TEP1: variants seen among roughly 807,000 people sequenced by gnomAD.
TEP1 encodes the protein telomerase associated protein 1, also known as telomerase protein component 1.
Under a neutral mutation model 306.3 loss-of-function variants are expected in TEP1, and 241 were observed. The observed-to-expected ratio is 0.79, with a 90% CI of 0.71 to 0.88. The LOEUF (loss-of-function observed/expected upper bound fraction) is 0.88. Ranked by LOEUF, TEP1 falls within the 40% of genes least tolerant of loss-of-function variation. The pLI is 0.00. For missense variants in TEP1, 3,051 were observed against 3,276.1 expected, an observed-to-expected ratio of 0.93 and a Z score of 1.68; for synonymous variants, 1,289 against 1,305.5, an observed-to-expected ratio of 0.99 and a Z score of 0.27.
Position 20,389,729 on chromosome 14 carries a change from GACCCTGTCCACCTGTAAGATGA to G in TEP1, c.2335-11_2345del. 6.2e-7 allele frequency: 1 copy of G among 1,614,110 alleles called. No individual in the cohort carries two copies. The highest frequency in any genetic ancestry group is 2.2e-5 in the East Asian group (1 of 44,888). ...CATCCATGCTTTGGCCAAGGAGGAT[GACCCTGTCCACCTGTAAGATGA>G]AAAGGGAGAAGATGCTAGAGAAGGG... On this transcript the variant is annotated splice_acceptor_variant and splice_polypyrimidine_tract_variant and coding_sequence_variant and intron_variant, in exon 16 of 55. Coordinates refer to ENST00000262715, the MANE Select transcript of TEP1 (RefSeq NM_007110.5). LOFTEE classifies it high-confidence loss of function.
At position 20,373,083 on chromosome 14, in the gene TEP1, G is replaced by A; in HGVS notation, c.6879C>T (p.Ser2293=). 1 of 1,614,226 alleles carries A rather than the reference G, an allele frequency of 6.2e-7. No individual in the cohort carries two copies. The highest frequency in any genetic ancestry group is 8.5e-7 in the Non-Finnish European group (1 of 1,180,040). Residue 2293 remains serine (S), a synonymous_variant, in exon 48 of 55, where the codon TCC becomes TCT. Transcript: ENST00000262715. ...CAGCTTGATTTCCAGATACTGCCAT[G>A]GAACCATCTGGTGCCCAAGCCACAG... ...VTAVAWAPDG[S]MAVSGNQAGE...
chr14:20,403,179 A>C (rs1292798831), intron 7 of TEP1, among the ~76,000 whole-genome samples, 198 bp downstream of exon 7: 1 of 150,510 alleles, frequency 6.6e-6, no homozygotes, highest in African/African-American at 2.5e-5. Flanking sequence ...AAAAAAAAAA[A>C]AATACAATAC....
At chr14:20,407,362 G>A (rs866613106) in intron 2 of TEP1, among the ~76,000 whole-genome samples, 4 of 152,116 alleles carry the variant, frequency 2.6e-5, no homozygotes, top group African/African-American at 9.7e-5. Flanking sequence ...GTGTCTTTTG[G>A]GCTTTCATTT....
At position 20,376,266 on chromosome 14, in the gene TEP1, T is replaced by C; in HGVS notation, c.6089-2A>G. ...GCCACAGCTGCACTGTGAAATCCTC[T>C]GCATTGGAAAAAGAGAGAGGGAACA... On this transcript the variant is annotated splice_acceptor_variant, in intron 41 of 54. Transcript: ENST00000262715. LOFTEE classifies it high-confidence loss of function. 6.2e-7 allele frequency: 1 copy of C among 1,609,678 alleles called. No individual in the cohort carries two copies. The highest frequency in any genetic ancestry group is 2.2e-5 in the East Asian group (1 of 44,824).
At position 20,382,619 on chromosome 14, in the gene TEP1, T is replaced by C; in HGVS notation, c.4140+4A>G. 1 of 1,614,024 alleles carries C rather than the reference T, an allele frequency of 6.2e-7. No homozygotes were observed. Among genetic ancestry groups the C allele is most frequent in the Non-Finnish European group, 8.5e-7 (1 of 1,179,904 alleles). On this transcript the variant is annotated splice_donor_region_variant and intron_variant, in intron 28 of 54. Transcript: ENST00000262715. The stretch of plus-strand genomic sequence containing the variant: ...TTAGGACTTGGAAGGTGATGAGAAC[T>C]GACCTGCTCATACAGCGTGAAGAGC...
chr14:20,401,539 G>A lies in TEP1; in HGVS notation c.1309C>T (p.Pro437Ser), dbSNP rs937563875. ...ACCAGCTTCTTCAGGGTGAACCTTG[G>A]AGGATTCTTTTTCTCTGACACTGTA... is the stretch of plus-strand genomic sequence containing the variant. ...GDTVSEKKNP[P>S]RFTLKKLVQR... The change falls in exon 8 of 55, where the codon CCA becomes TCA. Residue 437 changes from proline (P) to serine (S), a missense_variant. Physicochemically the swap from Pro to Ser is moderately conservative, Grantham distance 74. Transcript: ENST00000262715. 1 of 1,614,212 alleles carries A rather than the reference G, an allele frequency of 6.2e-7. No individual in the cohort carries two copies. The highest frequency in any genetic ancestry group is 1.1e-5 in the South Asian group (1 of 91,084).
intron 43 of TEP1, among the ~76,000 whole-genome samples, chr14:20,374,927 T>TA (rs1237196191): frequency 6.6e-6 from 1 of 151,770 alleles, no homozygotes; most frequent in Non-Finnish European, 1.5e-5. Context: ...CCATCTCTAC[T>TA]AAAAATACAA....
chr14:20,404,819 A>ATTTTCAG, intron 4 of TEP1, 47 bp from the exon 5 acceptor site: 1 of 1,551,684 alleles, frequency 6.4e-7, no homozygotes, highest in Non-Finnish European at 8.7e-7. Flanking sequence ...CTCCTCCCGT[A>ATTTTCAG]GCTTTCTGCC....
intron 9 of TEP1, among the ~76,000 whole-genome samples, chr14:20,397,963 G>T (rs1251331258): frequency 6.6e-6 from 1 of 151,926 alleles, no homozygotes; most frequent in Non-Finnish European, 1.5e-5. Context: ...ATGTTGGCCA[G>T]GCTGGTCTCA....
intron 36 of TEP1, 34 bp downstream of exon 36, chr14:20,378,947 C>A (rs1176890759): frequency 1.2e-6 from 2 of 1,613,924 alleles, no homozygotes; most frequent in African/African-American, 2.7e-5. Context: ...TGGGGAAGGC[C>A]CTCATTCCAA....
At chr14:20,380,559 ACAATAGTAAGTCT>A (rs142580077) in intron 33 of TEP1, 84 bp from the exon 34 acceptor site, 89,416 of 1,503,056 alleles carry the variant, frequency 0.059, 2,860 homozygotes, top group African/African-American at 0.085. Flanking sequence ...TGGTGTGTCT[ACAATAGTAAGTCT>A]CAAAGTGTGG....
In TEP1 at chr14:20,389,228, C is replaced by A; in HGVS notation, c.2525+10G>T. Reference sequence around the variant, plus strand: ...AGTATCCAACCCTTCAGTATCCATTCTGTACTCACTTCAGTATCGCATCAG... The same window carrying A: ...AGTATCCAACCCTTCAGTATCCATTATGTACTCACTTCAGTATCGCATCAG... On this transcript the variant is annotated intron_variant, in intron 17 of 54. Transcript: ENST00000262715. 1 of 1,613,628 alleles carries A rather than the reference C, an allele frequency of 6.2e-7. No individual in the cohort carries two copies. Among genetic ancestry groups the A allele is most frequent in the Non-Finnish European group, 8.5e-7 (1 of 1,179,606 alleles).
Position 20,409,250 on chromosome 14 carries a change from A to G in TEP1, c.-24-787T>C, listed in dbSNP as rs533654982. On this transcript the variant is annotated intron_variant, in intron 1 of 54. Transcript: ENST00000262715. ...ACTCTCTCTTCCTTTGCTTTCCATG[A>G]TGCTACTGTCCTGATTTTCTTCTTA... 7.9e-4 allele frequency among the ~76,000 whole-genome samples: 120 copies of G among 152,250 alleles called. 1 individual carries two copies. The highest frequency in any genetic ancestry group is 2.7e-3 in the African/African-American group (112 of 41,542).
chr14:20,407,938 G>A lies in TEP1; in HGVS notation c.502C>T (p.Leu168Phe). The stretch of plus-strand genomic sequence containing the variant: ...TTCAGGGCTATAGGGCAGGTTGAAA[G>A]GTCTAGTCCCTTAGAGAAATGCTGA... ...RAQHFSKGLD[L>F]STCPIALKSI... is the part of the protein sequence containing the mutation. Residue 168 changes from leucine to phenylalanine, a missense_variant, in exon 2 of 55, where the codon CTT becomes TTT. Coordinates refer to ENST00000262715, the MANE Select transcript of TEP1 (RefSeq NM_007110.5). 1 of 1,614,010 alleles carries A rather than the reference G, an allele frequency of 6.2e-7. No individual in the cohort carries two copies. Among genetic ancestry groups the A allele is most frequent in the Non-Finnish European group, 8.5e-7 (1 of 1,179,950 alleles).
intron 17 of TEP1, among the ~76,000 whole-genome samples, chr14:20,388,757 T>C (rs1877429764): frequency 6.6e-6 from 1 of 152,158 alleles, no homozygotes; most frequent in South Asian, 2.1e-4. Context: ...TTGAGGATCA[T>C]GGAGCAATAA....
rs144451613 is a variant in TEP1, at chr14:20,391,626, C to A, written c.2070G>T (p.Arg690Ser). Residue 690 changes from arginine to serine, a missense_variant, in exon 13 of 55, where the codon AGG (arginine) becomes AGT (serine). Arg to Ser is a moderately radical substitution (Grantham distance 110). This residue lies in a region of TEP1 where 1,507 missense variants were observed against 1,550.5 expected (regional missense o/e 0.97). Transcript: ENST00000262715. ...CTTGTGGGTTGCTCTTTGGACAGAG[C>A]CTGTCTGCATTAGCATCTGTCAGAT... ...LVYLTDANAD[R>S]LCPKSNPQGP... The A allele has an allele frequency of 1.9e-6, 3 of 1,613,912 alleles. No homozygotes were observed. The highest frequency in any genetic ancestry group is 2.7e-5 in the African/African-American group (2 of 74,910).
chr14:20,404,358 A>G (rs1879001987), intron 5 of TEP1, among the ~76,000 whole-genome samples: 1 of 148,066 alleles, frequency 6.8e-6, no homozygotes, highest in Non-Finnish European at 1.5e-5. Flanking sequence ...TCCGTCTCCA[A>G]AAAAAAAAAA....
intron 9 of TEP1, among the ~76,000 whole-genome samples, chr14:20,399,624 C>A: frequency 8.0e-6 from 1 of 125,056 alleles, no homozygotes. Flanking sequence ...AAGTGAGGCC[C>A]TGTTTCTTAA....
intron 28 of TEP1, 56 bp from the exon 29 acceptor site, chr14:20,382,412 C>CT (rs1876656684): frequency 1.9e-6 from 3 of 1,568,332 alleles, no homozygotes. Flanking sequence ...AGCAGCTTGG[C>CT]TTGTGGGATA....
Sources: gnomAD v4.1 joint callset for allele counts (sites outside exome capture counted in the v4.1 genomes callset) on GRCh38, gnomAD v4.1.1 for gene constraint, gnomAD v4.1.1 regional missense constraint, MANE v1.5 for transcripts, NCBI Gene and HGNC (gene_info 2026-07-23, HGNC 2026-07-21) for gene names.